POMT2: variants seen among roughly 807,000 people sequenced by gnomAD.
POMT2 encodes the protein protein O-mannosyltransferase 2.
In POMT2, 75 loss-of-function variants were observed where a neutral mutation model predicts 100.0. The observed-to-expected ratio is 0.75, with a 90% confidence interval of 0.62 to 0.91. POMT2 has a LOEUF of 0.91. Ranked by LOEUF, POMT2 falls within the 40% of genes least tolerant of loss-of-function variation. The pLI is 0.00. For synonymous variants in POMT2, 378 were observed against 374.1 expected (o/e 1.01, Z -0.12); for missense variants, 940 against 955.1 (o/e 0.98, Z 0.21).
At chr14:77,282,780 A>T (rs1890279508) in intron 15 of POMT2, among the ~76,000 whole-genome samples, 1 of 152,246 alleles carries the variant, frequency 6.6e-6, no homozygotes, top group South Asian at 2.1e-4. Flanking sequence ...ATATGTACTG[A>T]GTACTGCTTA....
At position 77,302,939 on chromosome 14, in the gene POMT2, CG is replaced by C; in HGVS notation, c.551del (p.Thr184ArgfsTer16). 3 of 1,610,756 alleles carry C rather than the reference CG, an allele frequency of 1.9e-6. No homozygotes were observed. The highest frequency in any genetic ancestry group is 2.5e-6 in the Non-Finnish European group (3 of 1,177,556). On this transcript the variant is annotated frameshift_variant, in exon 5 of 21. Coordinates refer to ENST00000261534, the MANE Select transcript of POMT2 (RefSeq NM_013382.7). LOFTEE classifies it high-confidence loss of function. Reference sequence around the variant, plus strand: ...TGTACTGGGACAGAGTGAGGCATCCCGTGTCTGAAAAACATGAGCTCGCTGG... The same window carrying C: ...TGTACTGGGACAGAGTGAGGCATCCCTGTCTGAAAAACATGAGCTCGCTGG... The part of the protein sequence containing the change: ...LLTAALLTFD[T>X]GCLTLSQYIL...
chr14:77,310,631 T>C (rs1033589505), intron 2 of POMT2, among the ~76,000 whole-genome samples: 7 of 152,100 alleles, frequency 4.6e-5, no homozygotes, highest in Admixed American at 4.6e-4. Context: ...TTTGTGATCT[T>C]TGATAAAAGA....
At chr14:77,279,675 G>T (rs765845866) in intron 18 of POMT2, 148 bp downstream of exon 18, 6 of 795,744 alleles carry the variant, frequency 7.5e-6, no homozygotes, top group South Asian at 5.8e-5. Flanking sequence ...GGTACTTGGG[G>T]GTTGTTACCT....
In POMT2 at chr14:77,299,470, A is replaced by C. The variant is rs776210140; in HGVS notation, c.908T>G (p.Met303Arg). Residue 303 changes from methionine to arginine, a missense_variant, in exon 7 of 21, where the codon ATG becomes AGG. Transcript: ENST00000261534. ...LYTATFAVHF[M>R]VLSKSGPGDG... ...CTGTCTGTACCTTTTACTCAGCACC[A>C]TGAAGTGAACAGCAAAGGTGGCTGT... 1.2e-6 allele frequency: 2 copies of C among 1,613,922 alleles called. No individual in the cohort carries two copies. The highest frequency in any genetic ancestry group is 2.7e-5 in the African/African-American group (2 of 74,924).
intron 1 of POMT2, among the ~76,000 whole-genome samples, chr14:77,318,398 G>C (rs1280063894): frequency 6.6e-6 from 1 of 152,200 alleles, no homozygotes; most frequent in Non-Finnish European, 1.5e-5. Context: ...CCACGTGCCT[G>C]ATGACATCAA....
At position 77,302,850 on chromosome 14, in the gene POMT2, T is replaced by C. The variant is rs750769526; in HGVS notation, c.641A>G (p.Asn214Ser). Residue 214 changes from asparagine to serine, a missense_variant, in exon 5 of 21, where the codon AAC (asparagine) becomes AGC (serine). Coordinates refer to ENST00000261534, the MANE Select transcript of POMT2 (RefSeq NM_013382.7). ...MAAMLSMVKY[N>S]SCADRPFSAP... ...AGTTTCTGACCTGTCGGCGCAAGAG[T>C]TGTACTTGACCATGCTCAGCATGGC... 16 of 1,612,126 alleles carry C rather than the reference T, an allele frequency of 9.9e-6. No homozygotes were observed. The South Asian group carries it at 1.6e-4, about 17-fold the overall frequency.
chr14:77,283,726 G>T, intron 15 of POMT2, 71 bp downstream of exon 15: 1 of 1,305,062 alleles, frequency 7.7e-7, no homozygotes, highest in Non-Finnish European at 1.1e-6. Flanking sequence ...GCATGGCATT[G>T]ACTTGTGATC....
rs1246795372 is a variant in POMT2 at position 77,277,438 on chromosome 14, G to A, written c.2191C>T (p.Leu731=). ...HPLAYGMVGP[L]AQDPQSPMAG... ...ATTGGACTTTGGGGGTCCTGGGCCAGGGGACCAACCATCCCGTAAGCCAGA... is the reference window on the plus strand; with the variant it reads ...ATTGGACTTTGGGGGTCCTGGGCCAAGGGACCAACCATCCCGTAAGCCAGA... Residue 731 remains leucine (L), a synonymous_variant, in exon 21 of 21, where the codon CTG becomes TTG. Coordinates refer to ENST00000261534, the MANE Select transcript of POMT2 (RefSeq NM_013382.7). 6.2e-7 allele frequency: 1 copy of A among 1,614,066 alleles called. No homozygotes were observed. The highest frequency in any genetic ancestry group is 1.7e-5 in the Admixed American group (1 of 60,026).
intron 9 of POMT2, among the ~76,000 whole-genome samples, chr14:77,293,723 C>T (rs2140210944): frequency 6.6e-6 from 1 of 152,320 alleles, no homozygotes; most frequent in Admixed American, 6.5e-5. Flanking sequence ...AAGCCAGACA[C>T]TTTCGTCCCT....
chr14:77,308,793 A>T (rs1490503064), intron 2 of POMT2: 1 of 452,174 alleles, frequency 2.2e-6, no homozygotes, highest in Admixed American at 2.4e-5. Context: ...CTCAATTTTA[A>T]ATGTGCATAT....
At chr14:77,310,917 T>C (rs1321056706) in intron 2 of POMT2, among the ~76,000 whole-genome samples, 1 of 152,234 alleles carries the variant, frequency 6.6e-6, no homozygotes, top group African/African-American at 2.4e-5. Flanking sequence ...GTGGACCACC[T>C]GAGGTTGGGA....
chr14:77,319,770 G>A (rs1190746591), intron 1 of POMT2, among the ~76,000 whole-genome samples: 2 of 152,168 alleles, frequency 1.3e-5, no homozygotes, highest in Admixed American at 1.3e-4. Context: ...TCTAACCCAG[G>A]AGTCTCATCT....
At chr14:77,287,159 G>C (rs1299829629) in intron 11 of POMT2, 2 of 345,054 alleles carry the variant, frequency 5.8e-6, no homozygotes, top group Non-Finnish European at 1.1e-5. Context: ...TTAGGAGGCA[G>C]GTTTGAGGAG....
At chr14:77,278,150 A>G (rs1890046004) in intron 20 of POMT2, 1 of 527,346 alleles carries the variant, frequency 1.9e-6, no homozygotes, top group Admixed American at 3.0e-5. Context: ...GGATGGCACA[A>G]AAGCTGAACC....
At chr14:77,307,859 T>TTC (rs1265374812) in intron 2 of POMT2, among the ~76,000 whole-genome samples, 1 of 41,598 alleles carries the variant, frequency 2.4e-5, no homozygotes, top group Non-Finnish European at 4.6e-5. Context: ...TAATTTCTTC[T>TTC]TTTTTTTTTT....
At chr14:77,300,998 C>T (rs1369970672) in intron 6 of POMT2, 92 bp downstream of exon 6, 4 of 1,608,060 alleles carry the variant, frequency 2.5e-6, no homozygotes, top group Non-Finnish European at 3.4e-6. Context: ...AGCCACTCTG[C>T]CACCTGCAGT....
In POMT2 at chr14:77,285,504, G is replaced by A. The variant is rs1171355781; in HGVS notation, c.1461C>T (p.Ser487=). 6.2e-7 allele frequency: 1 copy of A among 1,614,166 alleles called. No individual in the cohort carries two copies. The highest frequency in any genetic ancestry group is 8.5e-7 in the Non-Finnish European group (1 of 1,180,032). ...ACCACTTGGGCAGAACCTTTCCCGA[G>A]GAGCCCAGGACACAACCTGTGACCA... ...IHLVTGCVLG[S]SGKVLPKWGW... The change falls in exon 13 of 21, where the codon TCC becomes TCT. Residue 487 remains serine, a synonymous_variant. Coordinates refer to ENST00000261534, the MANE Select transcript of POMT2 (RefSeq NM_013382.7).
Position 77,302,961 on chromosome 14 carries a change from G to C in POMT2, c.548-18C>G, listed in dbSNP as rs762471841. 6.3e-7 allele frequency: 1 copy of C among 1,589,864 alleles called. No homozygotes were observed. Among genetic ancestry groups the C allele is most frequent in the Non-Finnish European group, 8.6e-7 (1 of 1,160,890 alleles). On this transcript the variant is annotated intron_variant, in intron 4 of 20. Transcript: ENST00000261534. ...TCCCGTGTCTGAAAAACATGAGCTCGCTGGTGAAAAAGCGAGGTAAGAGAA... is the reference window on the plus strand; with the variant it reads ...TCCCGTGTCTGAAAAACATGAGCTCCCTGGTGAAAAAGCGAGGTAAGAGAA...
In POMT2 at chr14:77,286,740, T is replaced by G. The variant is rs1201960470; in HGVS notation, c.1332+4A>C. 14 of 1,614,150 alleles carry G rather than the reference T, an allele frequency of 8.7e-6. No individual in the cohort carries two copies. The highest frequency in any genetic ancestry group is 1.1e-5 in the Non-Finnish European group (13 of 1,179,994). On this transcript the variant is annotated splice_donor_region_variant and intron_variant, in intron 12 of 20. Transcript: ENST00000261534. ...TCCTACTCACATCCCCGTTGCTTAC[T>G]TACTATGCCATAGCCGGTGACCTGA...
Sources: gnomAD v4.1 joint callset for allele counts (sites outside exome capture counted in the v4.1 genomes callset) on GRCh38, gnomAD v4.1.1 for gene constraint, MANE v1.5 for transcripts, NCBI Gene and HGNC (gene_info 2026-07-23, HGNC 2026-07-21) for gene names.